Variants in PIWIL3 observed in about 807,000 individuals in gnomAD.
PIWIL3 encodes the protein piwi like RNA-mediated gene silencing 3, also known as piwi-like protein 3.
Under a neutral mutation model 109.7 loss-of-function variants are expected in PIWIL3, and 101 were observed. The ratio of observed to expected loss-of-function variants is 0.92; its 90% CI spans 0.78 to 1.09. PIWIL3 has a LOEUF of 1.09. Ranked by LOEUF, PIWIL3 falls within the 50% of genes least tolerant of loss-of-function variation. The probability of loss-of-function intolerance (pLI) is 0.00; values close to 1 mark genes in which losing one functional copy is unlikely to be tolerated. For missense variants in PIWIL3, 1,031 were observed against 1,072.6 expected, an observed-to-expected ratio of 0.96 and a Z score of 0.54; for synonymous variants, 373 against 376.4, an observed-to-expected ratio of 0.99 and a Z score of 0.10.
intron 9 of PIWIL3, 120 bp from the exon 10 acceptor site, chr22:24,749,939 T>C (rs1025713986): frequency 8.8e-6 from 12 of 1,362,754 alleles, no homozygotes; most frequent in South Asian, 3.8e-5. Context: ...GCTGGTGATA[T>C]AGGTTCCCCA....
At position 24,752,045 on chromosome 22, in the gene PIWIL3, G is replaced by A. The variant is rs570550104; in HGVS notation, c.978-547C>T. On this transcript the variant is annotated intron_variant, in intron 8 of 20. Coordinates refer to ENST00000616349, the MANE Select transcript of PIWIL3 (RefSeq NM_001255975.1). Reference sequence around the variant, plus strand: ...ATAAGGTTATGAACATTTATGTGCCGATTTTAATAAATATGTTCTCATTTC... The same window carrying A: ...ATAAGGTTATGAACATTTATGTGCCAATTTTAATAAATATGTTCTCATTTC... Among the ~76,000 whole-genome samples the A allele has an allele frequency of 2.3e-4, 35 of 152,080 alleles. No homozygotes were observed. The South Asian group carries it at 6.2e-3, about 27-fold the overall frequency.
At chr22:24,767,480 G>C (rs1036557533) in intron 1 of PIWIL3, among the ~76,000 whole-genome samples, 3 of 151,956 alleles carry the variant, frequency 2.0e-5, no homozygotes, top group Admixed American at 2.0e-4. Context: ...GAACCTGGCA[G>C]GTGGAGGTTG....
chr22:24,748,400 G>A (rs1258518192), intron 12 of PIWIL3, among the ~76,000 whole-genome samples: 2 of 152,102 alleles, frequency 1.3e-5, no homozygotes, highest in African/African-American at 4.8e-5. Flanking sequence ...AAAATAATTT[G>A]TGTATTTTAA....
intron 14 of PIWIL3, among the ~76,000 whole-genome samples, chr22:24,730,014 TTTTTTGG>T (rs1334619861): frequency 2.6e-5 from 4 of 152,030 alleles, no homozygotes; most frequent in Non-Finnish European, 4.4e-5. Context: ...CAGCTTTAAG[TTTTTTGG>T]TTTTTGTGCA....
chr22:24,735,670 A>G (rs779173747), intron 13 of PIWIL3, 38 bp downstream of exon 13: 2 of 1,524,452 alleles, frequency 1.3e-6, no homozygotes, highest in Admixed American at 4.3e-5. Context: ...AAGATTGCTA[A>G]CAATCGATTT....
At chr22:24,762,307 C>T in intron 2 of PIWIL3, 91 bp downstream of exon 2, 2 of 1,512,738 alleles carry the variant, frequency 1.3e-6, no homozygotes, top group Non-Finnish European at 1.8e-6. Context: ...AGCACTATAC[C>T]TGAACTAGCT....
chr22:24,752,960 C>T (rs1452085614), intron 8 of PIWIL3, among the ~76,000 whole-genome samples: 2 of 152,160 alleles, frequency 1.3e-5, no homozygotes, highest in Non-Finnish European at 2.9e-5. Context: ...ATCATTTGTA[C>T]ATTTTAAGAA....
chr22:24,749,880 G>A (rs1469739800), intron 9 of PIWIL3, 61 bp from the exon 10 acceptor site: 1 of 1,612,688 alleles, frequency 6.2e-7, no homozygotes, highest in Non-Finnish European at 8.5e-7. Context: ...ATCACACACA[G>A]AGGTTCAAAA....
At chr22:24,768,716 C>T (rs5760626) in intron 1 of PIWIL3, among the ~76,000 whole-genome samples, 93,664 of 152,070 alleles carry the variant, frequency 0.62, 29,161 homozygotes, top group East Asian at 0.75. Flanking sequence ...GCCCCAAGAA[C>T]GCAACTCTGC....
chr22:24,758,531 A>T (rs1276011905), intron 3 of PIWIL3, among the ~76,000 whole-genome samples: 2 of 152,252 alleles, frequency 1.3e-5, no homozygotes, highest in African/African-American at 4.8e-5. Flanking sequence ...GCTATTCTAC[A>T]AAGTTAACAT....
chr22:24,761,942 C>T (rs182946385), intron 2 of PIWIL3: 3 of 986,334 alleles, frequency 3.0e-6, no homozygotes, highest in African/African-American at 3.5e-5. Context: ...AGATGGGGCC[C>T]CGCAGCGCCA....
intron 1 of PIWIL3, chr22:24,769,834 C>T (rs922300852): frequency 3.3e-5 from 5 of 151,470 alleles, no homozygotes; most frequent in African/African-American, 1.2e-4. Context: ...TACACCAATA[C>T]TAATGATAGC....
chr22:24,732,613 G>A (rs1923419615), intron 14 of PIWIL3, among the ~76,000 whole-genome samples: 1 of 152,126 alleles, frequency 6.6e-6, no homozygotes, highest in Non-Finnish European at 1.5e-5. Flanking sequence ...CACGAGGTCA[G>A]GAGATCGAGA....
intron 5 of PIWIL3, 59 bp from the exon 6 acceptor site, chr22:24,755,964 C>A: frequency 6.4e-7 from 1 of 1,554,194 alleles, no homozygotes; most frequent in Non-Finnish European, 8.8e-7. Flanking sequence ...AACTAAACTT[C>A]ATTGCACGGC....
intron 1 of PIWIL3, among the ~76,000 whole-genome samples, chr22:24,769,289 T>C (rs544608046): frequency 3.8e-4 from 58 of 152,266 alleles, no homozygotes; most frequent in African/African-American, 1.3e-3. Flanking sequence ...CCGGGCCACA[T>C]TGGAAGAATT....
At chr22:24,728,759 C>G (rs1923150404) in intron 14 of PIWIL3, among the ~76,000 whole-genome samples, 2 of 152,016 alleles carry the variant, frequency 1.3e-5, no homozygotes, top group South Asian at 2.1e-4. Flanking sequence ...ATTGCTTAAG[C>G]CTGCAATATC....
rs1924180538 is a variant in PIWIL3 at position 24,744,178 on chromosome 22, T to TTAAAAAAAAAAAAAAAAAAAAAAAA, written c.1449+4728_1449+4729insTTTTTTTTTTTTTTTTTTTTTTTTA. On this transcript the variant is annotated intron_variant, in intron 12 of 20. Coordinates refer to ENST00000616349, the MANE Select transcript of PIWIL3 (RefSeq NM_001255975.1). ...ACTCTAATTGAAAGAGTGACCGAAT[T>TTAAAAAAAAAAAAAAAAAAAAAAAA]AAAAAAAAAAAAAAAAAAAAAAAAA... Among the ~76,000 whole-genome samples, 45 of 34,318 alleles carry TTAAAAAAAAAAAAAAAAAAAAAAAA rather than the reference T, an allele frequency of 1.3e-3. 15 individuals are homozygous for TTAAAAAAAAAAAAAAAAAAAAAAAA. Among genetic ancestry groups the TTAAAAAAAAAAAAAAAAAAAAAAAA allele is most frequent in the East Asian group, 5.0e-3 (3 of 598 alleles). 22.5% of individuals were successfully genotyped at this position (34,318 alleles called of 152,430 possible).
At chr22:24,758,960 C>A (rs762576276) in intron 3 of PIWIL3, among the ~76,000 whole-genome samples, 3 of 152,232 alleles carry the variant, frequency 2.0e-5, no homozygotes, top group Non-Finnish European at 4.4e-5. Flanking sequence ...GTGGCACTGT[C>A]TCAGCTCACT....
At chr22:24,729,319 T>C (rs544416711) in intron 14 of PIWIL3, among the ~76,000 whole-genome samples, 35 of 152,228 alleles carry the variant, frequency 2.3e-4, no homozygotes, top group Admixed American at 1.1e-3. Flanking sequence ...TTCTTGGCCA[T>C]GAAACAGAGA....
Sources: gnomAD v4.1 joint callset for allele counts (sites outside exome capture counted in the v4.1 genomes callset) on GRCh38, gnomAD v4.1.1 for gene constraint, MANE v1.5 for transcripts, NCBI Gene and HGNC (gene_info 2026-07-23, HGNC 2026-07-21) for gene names.